The following DARS2 variants were observed in gnomAD, a reference collection of about 807,000 sequenced individuals.
The protein encoded by DARS2 is aspartyl-tRNA synthetase 2, mitochondrial, also known as aspartate--tRNA ligase, mitochondrial.
A neutral mutation model predicts 83.0 loss-of-function variants in DARS2; 63 were observed. The ratio of observed to expected loss-of-function variants is 0.76; its 90% CI spans 0.62 to 0.94. The LOEUF (loss-of-function observed/expected upper bound fraction) is 0.94. Ranked by LOEUF, DARS2 falls within the 40% of genes least tolerant of loss-of-function variation. The probability of loss-of-function intolerance (pLI) is 0.00; values close to 1 mark genes in which losing one functional copy is unlikely to be tolerated. For missense variants in DARS2, 675 were observed against 774.4 expected (o/e 0.87, Z 1.52); for synonymous variants, 250 against 269.3 (o/e 0.93, Z 0.70).
In DARS2 at chr1:173,826,683, A is replaced by G. The variant is rs769597479; in HGVS notation, c.128-4A>G. 4 of 1,324,234 alleles carry G rather than the reference A, an allele frequency of 3.0e-6. No homozygotes were observed. The highest frequency in any genetic ancestry group is 2.6e-5 in the East Asian group (1 of 38,952). 82.0% of individuals were successfully genotyped at this position (1,324,234 alleles called of 1,614,324 possible). A position where few individuals can be genotyped will look rare whatever the true frequency, so the allele number is the denominator to read the frequency against. ...AAAGTTTCTTTTTTTTTTTTTTTTT[A>G]AAGAATTCAGTAGCTTTGTTGTCCG... is the stretch of plus-strand genomic sequence containing the variant. On this transcript the variant is annotated splice_polypyrimidine_tract_variant and splice_region_variant and intron_variant, in intron 1 of 16. Transcript: ENST00000649689.
intron 13 of DARS2, 116 bp downstream of exon 13, chr1:173,850,595 C>A: frequency 5.3e-5 from 54 of 1,015,386 alleles, no homozygotes; most frequent in Non-Finnish European, 6.6e-5. Context: ...TGGAGCTGCT[C>A]TGCATAAATC....
At chr1:173,826,221 C>T (rs1652552129) in intron 1 of DARS2, among the ~76,000 whole-genome samples, 1 of 143,044 alleles carries the variant, frequency 7.0e-6, no homozygotes, top group African/African-American at 2.8e-5. Flanking sequence ...GAGACTCCAT[C>T]TCAAAAAAAA....
At chr1:173,840,475 G>T (rs769835254) in intron 10 of DARS2, among the ~76,000 whole-genome samples, 12 of 152,126 alleles carry the variant, frequency 7.9e-5, no homozygotes, top group Non-Finnish European at 1.5e-4. Context: ...CAGGTGATCT[G>T]CCCACCTCAG....
intron 12 of DARS2, among the ~76,000 whole-genome samples, chr1:173,847,100 A>G (rs1653463707): frequency 6.6e-6 from 1 of 152,150 alleles, no homozygotes; most frequent in African/African-American, 2.4e-5. Flanking sequence ...CAATAAGTAG[A>G]TTTTTATATA....
intron 11 of DARS2, among the ~76,000 whole-genome samples, chr1:173,841,219 TA>T (rs1653194581): frequency 6.6e-6 from 1 of 151,746 alleles, no homozygotes; most frequent in African/African-American, 2.4e-5. Context: ...TACTAAAAAA[TA>T]CAAAAAATTA....
At position 173,833,380 on chromosome 1, in the gene DARS2, C is replaced by A; in HGVS notation, c.497C>A (p.Thr166Lys). The A allele has an allele frequency of 6.3e-7, 1 of 1,599,794 alleles. No homozygotes were observed. The highest frequency in any genetic ancestry group is 1.3e-5 in the African/African-American group (1 of 74,524). Residue 166 changes from threonine to lysine, a missense_variant, in exon 6 of 17, where the codon ACA (threonine) becomes AAA (lysine). Physicochemically the swap from Thr to Lys is moderately conservative, Grantham distance 78. Transcript: ENST00000649689. ...PFEIKNFVKK[T>K]EALRLQYRYL... ...AAAATCTTTCAATTTCTTTAGAAAA[C>A]AGAGGCTCTTCGGTTGCAGTATCGC...
chr1:173,853,641 A>G, intron 14 of DARS2, 74 bp downstream of exon 14: 3 of 1,575,346 alleles, frequency 1.9e-6, no homozygotes, highest in South Asian at 1.1e-5. Flanking sequence ...TCAAGGTCTG[A>G]TGAAAGATAG....
At chr1:173,839,694 G>C (rs1653136899) in intron 10 of DARS2, 148 bp downstream of exon 10, 7 of 705,022 alleles carry the variant, frequency 9.9e-6, no homozygotes, top group Middle Eastern at 5.6e-4. Flanking sequence ...TAGAGCAAGA[G>C]AGAATAATAG....
chr1:173,838,957 G>T (rs1410484823), intron 9 of DARS2, among the ~76,000 whole-genome samples: 4 of 152,070 alleles, frequency 2.6e-5, no homozygotes, highest in Admixed American at 1.3e-4. Context: ...GGATGGTCTG[G>T]ATCTCCTGAC....
chr1:173,831,422 A>C, intron 4 of DARS2, 113 bp from the exon 5 acceptor site: 3 of 851,192 alleles, frequency 3.5e-6, no homozygotes, highest in Non-Finnish European at 4.1e-6. Context: ...ACTATACACT[A>C]TAAGGACTTT....
intron 9 of DARS2, among the ~76,000 whole-genome samples, chr1:173,838,947 G>A (rs1032339065): frequency 2.0e-5 from 3 of 152,108 alleles, no homozygotes; most frequent in Non-Finnish European, 2.9e-5. Context: ...ATGTTGGCCA[G>A]GATGGTCTGG....
In DARS2 at chr1:173,845,289, C is replaced by A. The variant is rs901620278; in HGVS notation, c.1189C>A (p.Gln397Lys). 4 of 1,607,636 alleles carry A rather than the reference C, an allele frequency of 2.5e-6. No homozygotes were observed. In the African/African-American group the frequency reaches 4.0e-5, roughly 16 times the overall value. ...AAACTTTGCAGCTGACCATTTTAAT[C>A]AGGTAAGGAGTTAATTAGAGCAGTT... ...IRNFAADHFNQEILPVFLNAN... is the reference protein window; with the variant it reads ...IRNFAADHFNKEILPVFLNAN... The change falls in exon 12 of 17, where the codon CAG becomes AAG. Residue 397 changes from glutamine (Q) to lysine (K), a missense_variant and splice_region_variant. Coordinates refer to ENST00000649689, the MANE Select transcript of DARS2 (RefSeq NM_018122.5).
rs1395433748 is a variant in DARS2 at position 173,825,814 on chromosome 1, T to G, written c.127+458T>G. ...ATAGCCTTATGTGTAGAAGCGAAAT[T>G]CACTCTCATTATATTCATTATACGG... On this transcript the variant is annotated intron_variant, in intron 1 of 16. Coordinates refer to ENST00000649689, the MANE Select transcript of DARS2 (RefSeq NM_018122.5). 3.2e-5 allele frequency among the ~76,000 whole-genome samples: 4 copies of G among 123,100 alleles called. 1 individual carries two copies. The highest frequency in any genetic ancestry group is 1.2e-4 in the African/African-American group (4 of 33,156). 80.8% of individuals were successfully genotyped at this position (123,100 alleles called of 152,430 possible). A position where few individuals can be genotyped will look rare whatever the true frequency, so the allele number is the denominator to read the frequency against.
chr1:173,838,982 G>A lies in DARS2; in HGVS notation c.841-385G>A, dbSNP rs874343. The stretch of plus-strand genomic sequence containing the variant: ...GATCTCCTGACCTCGTGATCCACCC[G>A]CCTCGGCCTCCCAAAGTGCTAGGTT... On this transcript the variant is annotated intron_variant, in intron 9 of 16. Transcript: ENST00000649689. Among the ~76,000 whole-genome samples, 837 of 152,184 alleles carry A rather than the reference G, an allele frequency of 5.5e-3. 5 individuals carry two copies. The highest frequency in any genetic ancestry group is 0.017 in the African/African-American group (725 of 41,526).
chr1:173,837,793 G>A (rs1488125703), intron 8 of DARS2, among the ~76,000 whole-genome samples: 3 of 149,954 alleles, frequency 2.0e-5, no homozygotes, highest in Admixed American at 1.3e-4. Flanking sequence ...TTTTTTTTGA[G>A]ACAGAGTCTT....
chr1:173,853,886 T>C lies in DARS2; in HGVS notation c.1655T>C (p.Ile552Thr), dbSNP rs1653768819. The change falls in exon 15 of 17, where the codon ATC becomes ACC. Residue 552 changes from isoleucine to threonine, a missense_variant. Transcript: ENST00000649689. ...CACAATGCAGAGCTGCAGCGTTATA[T>C]CCTGGCAACCTTACTAAAGGTAACA... ...RIHNAELQRY[I>T]LATLLKEDVK... 2 of 1,613,890 alleles carry C rather than the reference T, an allele frequency of 1.2e-6. No individual in the cohort carries two copies. The highest frequency in any genetic ancestry group is 2.2e-5 in the South Asian group (2 of 91,086).
At chr1:173,834,970 C>T (rs1161854267) in intron 7 of DARS2, among the ~76,000 whole-genome samples, 1 of 150,948 alleles carries the variant, frequency 6.6e-6, no homozygotes, top group Non-Finnish European at 1.5e-5. Flanking sequence ...TTAGTAGAGA[C>T]GGAGTTTCAC....
chr1:173,830,848 C>A, intron 4 of DARS2, 87 bp downstream of exon 4: 1 of 955,552 alleles, frequency 1.0e-6, no homozygotes, highest in Non-Finnish European at 1.7e-6. Context: ...CATGACTGGA[C>A]ATTAGGCACT....
At chr1:173,825,448 C>CCAT (rs1652459355) in intron 1 of DARS2, 92 bp downstream of exon 1, 2 of 646,150 alleles carry the variant, frequency 3.1e-6, no homozygotes, top group East Asian at 4.5e-5. Context: ...ATTTTTTCCC[C>CCAT]CATTATTATT....
Sources: allele counts gnomAD v4.1 joint callset (sites outside exome capture counted in the v4.1 genomes callset), GRCh38; gene constraint gnomAD v4.1.1; transcripts MANE v1.5; gene names NCBI Gene and HGNC (gene_info 2026-07-23, HGNC 2026-07-21).